GABRA2: variants seen among roughly 807,000 people sequenced by gnomAD.
GABRA2 encodes the protein gamma-aminobutyric acid type A receptor subunit alpha2.
GABRA2 carries 16 observed loss-of-function variants against 48.7 expected under a neutral mutation model. The observed-to-expected ratio is 0.33, with a 90% confidence interval of 0.22 to 0.50. GABRA2 has a LOEUF of 0.50. Among genes scored for constraint, GABRA2 ranks in the 20% least tolerant of loss-of-function variants. The probability of loss-of-function intolerance (pLI) is 0.98; values close to 1 mark genes in which losing one functional copy is unlikely to be tolerated. For missense variants in GABRA2, 275 were observed against 535.6 expected, an observed-to-expected ratio of 0.51 and a Z score of 4.80; for synonymous variants, 185 against 184.5, an observed-to-expected ratio of 1.00 and a Z score of -0.02.
At chr4:46,384,429 TAAA>T (rs1717172928) in intron 3 of GABRA2, among the ~76,000 whole-genome samples, 1 of 152,076 alleles carries the variant, frequency 6.6e-6, no homozygotes, top group African/African-American at 2.4e-5. Context: ...GCGTTGGAAA[TAAA>T]AAGGATGCAA....
intron 8 of GABRA2, among the ~76,000 whole-genome samples, chr4:46,274,016 G>A (rs1160539671): frequency 6.6e-6 from 1 of 151,956 alleles, no homozygotes; most frequent in East Asian, 1.9e-4. Flanking sequence ...ATAAGCGGGG[G>A]GGCAGAAGAA....
rs1713189891 is a variant in GABRA2 at position 46,243,745 on chromosome 4, A to G, written c.*6563T>C. ...GTTATTTTCATGAACCAGAAAACCT[A>G]CCAATAAGTATACTGTCACCCAGAA... On this transcript the variant is annotated 3_prime_UTR_variant, in exon 10 of 10. Transcript: ENST00000381620. 6.6e-6 allele frequency: 1 copy of G among 151,444 alleles called. No homozygotes were observed. The highest frequency in any genetic ancestry group is 1.5e-5 in the Non-Finnish European group (1 of 67,588). The allele number at this position is 151,444 out of a possible 1,614,324, so 9.4% of individuals were successfully genotyped here.
At chr4:46,263,275 C>T (rs182017061) in intron 8 of GABRA2, among the ~76,000 whole-genome samples, 15 of 152,140 alleles carry the variant, frequency 9.9e-5, no homozygotes, top group African/African-American at 3.6e-4. Context: ...TGGGGCATTA[C>T]AAATTTGTGT....
intron 4 of GABRA2, among the ~76,000 whole-genome samples, chr4:46,322,876 A>T (rs1729693394): frequency 6.6e-6 from 1 of 151,902 alleles, no homozygotes; most frequent in African/African-American, 2.4e-5. Flanking sequence ...ACAATACCCT[A>T]ATCCTTAAAT....
chr4:46,389,528 T>C, intron 1 of GABRA2: 1 of 520,602 alleles, frequency 1.9e-6, no homozygotes, highest in Non-Finnish European at 2.5e-6. Flanking sequence ...GCAGGTGTCC[T>C]GGATTTTATT....
intron 8 of GABRA2, among the ~76,000 whole-genome samples, chr4:46,299,115 G>A (rs1331182881): frequency 6.6e-6 from 1 of 151,066 alleles, no homozygotes; most frequent in Admixed American, 6.6e-5. Context: ...TAATAAAATG[G>A]AATAAATAGA....
At chr4:46,303,151 C>CA (rs55754015) in intron 8 of GABRA2, 9,736 of 209,742 alleles carry the variant, frequency 0.046, 225 homozygotes, top group African/African-American at 0.12. Context: ...ATTTTTTGAG[C>CA]AAAAAAAAAA....
intron 3 of GABRA2, chr4:46,364,375 ATT>A (rs1211259481): frequency 8.2e-4 from 125 of 152,300 alleles, no homozygotes; most frequent in African/African-American, 2.8e-3. Context: ...CTAGTTTTCT[ATT>A]GTTTAACAAA....
chr4:46,273,502 C>CATATATATAT (rs71637683), intron 8 of GABRA2, among the ~76,000 whole-genome samples: 29 of 48,108 alleles, frequency 6.0e-4, no homozygotes, highest in Admixed American at 1.3e-3. Context: ...TATATATATG[C>CATATATATAT]ATATATATAT....
At chr4:46,312,748 A>T in intron 4 of GABRA2, 32 bp from the exon 5 acceptor site, 1 of 1,169,750 alleles carries the variant, frequency 8.5e-7, no homozygotes, top group South Asian at 1.4e-5. Flanking sequence ...TTTTGAAAAT[A>T]GTAAATGTTG....
rs1193616620 is a variant in GABRA2, at chr4:46,389,720, C to T, written c.-11+15G>A. On this transcript the variant is annotated intron_variant, in intron 1 of 9. Coordinates refer to ENST00000381620, the MANE Select transcript of GABRA2 (RefSeq NM_000807.4). ...AGGAAAGTGTCTCTATCGGGACCAACGTGTGCGACCCTACCTGAAACGGCA... is the reference window on the plus strand; with the variant it reads ...AGGAAAGTGTCTCTATCGGGACCAATGTGTGCGACCCTACCTGAAACGGCA... 3 of 981,688 alleles carry T rather than the reference C, an allele frequency of 3.1e-6. No homozygotes were observed. Among genetic ancestry groups the T allele is most frequent in the South Asian group, 4.7e-5 (1 of 21,094 alleles). 60.8% of individuals were successfully genotyped at this position (981,688 alleles called of 1,614,324 possible).
At chr4:46,368,554 G>A (rs1714409483) in intron 3 of GABRA2, 1 of 161,722 alleles carries the variant, frequency 6.2e-6, no homozygotes, top group Admixed American at 6.2e-5. Context: ...AAATCTGAAT[G>A]AGTCTTTGAA....
chr4:46,291,164 C>T (rs1476554384), intron 8 of GABRA2, among the ~76,000 whole-genome samples: 3 of 152,032 alleles, frequency 2.0e-5, no homozygotes, highest in Admixed American at 6.6e-5. Context: ...GGTGTTAATT[C>T]TTCTAAAAAT....
At chr4:46,331,514 A>G (rs182936759) in intron 4 of GABRA2, among the ~76,000 whole-genome samples, 238 of 152,326 alleles carry the variant, frequency 1.6e-3, no homozygotes, top group African/African-American at 5.4e-3. Flanking sequence ...CAGGTAGAAA[A>G]TGTCCAACCT....
At position 46,363,647 on chromosome 4, in the gene GABRA2, A is replaced by C. The variant is rs192634228; in HGVS notation, c.187+22427T>G. The C allele has an allele frequency of 3.1e-3, 474 of 152,328 alleles. 5 individuals are homozygous for C. The highest frequency in any genetic ancestry group is 0.011 in the African/African-American group (461 of 41,588). The allele number at this position is 152,328 out of a possible 1,614,324, so 9.4% of individuals were successfully genotyped here. ...GGTATAATAGTTTAGCCTCTTAGCT[A>C]TGTTAACATTTTGAGAATGTTTAGT... On this transcript the variant is annotated intron_variant, in intron 3 of 9. Transcript: ENST00000381620.
At chr4:46,271,948 T>C (rs1324092384) in intron 8 of GABRA2, among the ~76,000 whole-genome samples, 1 of 151,904 alleles carries the variant, frequency 6.6e-6, no homozygotes, top group Non-Finnish European at 1.5e-5. Flanking sequence ...GTCTTTTCAC[T>C]GTCCCTTGTT....
rs201873906 is a variant in GABRA2, at chr4:46,250,405, A to G, written c.1259T>C (p.Met420Thr). Residue 420 changes from methionine (M) to threonine (T), a missense_variant, in exon 10 of 10, where the codon ATG becomes ACG. By Grantham distance (81) the Met-to-Thr change is moderately conservative (BLOSUM62 -1). Around this residue, in one of 4 missense-constraint regions of GABRA2, gnomAD observed 99 missense variants for 124.3 expected, o/e 0.80. Coordinates refer to ENST00000381620, the MANE Select transcript of GABRA2 (RefSeq NM_000807.4). ...TFNSVSKIDR[M>T]SRIVFPVLFG... ...CAAAACTGGAAAAACTATTCTGGAC[A>G]TTCTGTCAATTTTGCTAACACTGTT... The G allele has an allele frequency of 1.1e-5, 18 of 1,611,748 alleles. No homozygotes were observed. Among genetic ancestry groups the G allele is most frequent in the Non-Finnish European group, 1.5e-5 (18 of 1,178,488 alleles).
chr4:46,283,555 T>C (rs1380711226), intron 8 of GABRA2, among the ~76,000 whole-genome samples: 3 of 152,224 alleles, frequency 2.0e-5, no homozygotes, highest in Admixed American at 6.5e-5. Flanking sequence ...ATCAGGGCTA[T>C]CTGTAGAACT....
intron 3 of GABRA2, among the ~76,000 whole-genome samples, chr4:46,333,767 A>G (rs1430337368): frequency 1.3e-5 from 2 of 152,094 alleles, no homozygotes; most frequent in Admixed American, 1.3e-4. Context: ...TGTTACCCCT[A>G]TGCATGTGTA....
Sources: allele counts gnomAD v4.1 joint callset (sites outside exome capture counted in the v4.1 genomes callset), GRCh38; gene constraint gnomAD v4.1.1; regional missense constraint gnomAD v4.1.1; transcripts MANE v1.5; gene names NCBI Gene and HGNC (gene_info 2026-07-23, HGNC 2026-07-21).